RIPOR3: variants seen among roughly 807,000 people sequenced by gnomAD.
RIPOR3 encodes the protein family with sequence similarity 65 member C.
RIPOR3 carries 95 observed loss-of-function variants against 114.3 expected under a neutral mutation model. The ratio of observed to expected loss-of-function variants is 0.83; its 90% CI spans 0.70 to 0.99. The LOEUF is 0.99. RIPOR3 is among the 50% of genes least tolerant of loss of function. RIPOR3 has a pLI of 0.00. For missense variants in RIPOR3, 1,252 were observed against 1,266.9 expected (o/e 0.99, Z 0.18); for synonymous variants, 575 against 543.8 (o/e 1.06, Z -0.80).
chr20:50,600,287 T>G (rs1219521370), intron 13 of RIPOR3, among the ~76,000 whole-genome samples: 1 of 152,210 alleles, frequency 6.6e-6, no homozygotes, highest in Non-Finnish European at 1.5e-5. Flanking sequence ...CTGTAATCAA[T>G]TTGCATTGTT....
intron 1 of RIPOR3, among the ~76,000 whole-genome samples, chr20:50,631,930 G>A (rs1183556826): frequency 6.6e-6 from 1 of 152,022 alleles, no homozygotes; most frequent in Admixed American, 6.6e-5. Flanking sequence ...AGGATTCCAG[G>A]GACCCCATTG....
rs368911042 is a variant in RIPOR3, at chr20:50,592,535, C to T, written c.2386G>A (p.Glu796Lys). 5.1e-6 allele frequency: 8 copies of T among 1,559,892 alleles called. No homozygotes were observed. Among genetic ancestry groups the T allele is most frequent in the South Asian group, 3.5e-5 (3 of 84,804 alleles). Reference protein sequence around the residue: ...TQLTKEVTLIEELHCAGQAKV... With the variant: ...TQLTKEVTLIKELHCAGQAKV... ...GCCTGTCCCGCACAGTGAAGCTCCT[C>T]GATGAGTGTCACTAGAAGACAGGAA... is the stretch of plus-strand genomic sequence containing the variant. Residue 796 changes from glutamate to lysine, a missense_variant, in exon 19 of 22, where the codon GAG (glutamate) becomes AAG (lysine). By Grantham distance (56) the Glu-to-Lys change is moderately conservative (BLOSUM62 1). Transcript: ENST00000327979.
Position 50,604,793 on chromosome 20 carries a change from G to A in RIPOR3, c.957-19C>T, listed in dbSNP as rs776234989. On this transcript the variant is annotated intron_variant, in intron 11 of 21. Coordinates refer to ENST00000327979, the MANE Select transcript of RIPOR3 (RefSeq NM_001290268.2). ...AAACGGGCTGGAGGAGAGAACAGAA[G>A]GTCAGGATGCCATCGGCACCCAGAG... 6.2e-7 allele frequency: 1 copy of A among 1,603,466 alleles called. No individual in the cohort carries two copies. Among genetic ancestry groups the A allele is most frequent in the South Asian group, 1.1e-5 (1 of 89,694 alleles).
Position 50,592,500 on chromosome 20 carries a change from G to A in RIPOR3, c.2421C>T (p.Val807=). The change falls in exon 19 of 22, where the codon GTC becomes GTT. Residue 807 remains valine, a synonymous_variant. Transcript: ENST00000327979. ...ELHCAGQAKV[V]RKLQGKRLGQ... Reference sequence around the variant, plus strand: ...CCAGCCGCTTCCCCTGCAGCTTCCGGACCACCTTGGCCTGTCCCGCACAGT... The same window carrying A: ...CCAGCCGCTTCCCCTGCAGCTTCCGAACCACCTTGGCCTGTCCCGCACAGT... The A allele has an allele frequency of 6.2e-7, 1 of 1,610,480 alleles. No individual in the cohort carries two copies. Among genetic ancestry groups the A allele is most frequent in the East Asian group, 2.2e-5 (1 of 44,750 alleles).
At chr20:50,661,196 C>A (rs893764479) in intron 1 of RIPOR3, among the ~76,000 whole-genome samples, 3 of 151,940 alleles carry the variant, frequency 2.0e-5, no homozygotes, top group African/African-American at 7.3e-5. Flanking sequence ...CAAAATCACG[C>A]CACTGCACTC....
chr20:50,596,601 G>A (rs2083299308), intron 14 of RIPOR3, among the ~76,000 whole-genome samples: 1 of 152,172 alleles, frequency 6.6e-6, no homozygotes, highest in Admixed American at 6.5e-5. Flanking sequence ...GGAGGCAGGA[G>A]CCCCACACTC....
At chr20:50,671,955 T>G (rs1245568431) in intron 1 of RIPOR3, among the ~76,000 whole-genome samples, 1 of 144,260 alleles carries the variant, frequency 6.9e-6, no homozygotes, top group Non-Finnish European at 1.5e-5. Flanking sequence ...GATGAGTAGA[T>G]GGTTAGGTGG....
At chr20:50,636,030 C>G (rs971780764) in intron 1 of RIPOR3, among the ~76,000 whole-genome samples, 1 of 152,254 alleles carries the variant, frequency 6.6e-6, no homozygotes, top group African/African-American at 2.4e-5. Context: ...TGTGGGCCCC[C>G]TTGGGGCCTG....
chr20:50,589,597 C>T, intron 20 of RIPOR3, 89 bp downstream of exon 20: 1 of 1,367,474 alleles, frequency 7.3e-7, no homozygotes, highest in Non-Finnish European at 1.0e-6. Context: ...CGCCCAGCCC[C>T]AGTGGAATCA....
intron 1 of RIPOR3, among the ~76,000 whole-genome samples, chr20:50,652,494 GAC>G (rs1325618579): frequency 6.7e-6 from 1 of 149,176 alleles, no homozygotes; most frequent in African/African-American, 2.5e-5. Flanking sequence ...GGGAGGCTGA[GAC>G]AATAGAATCG....
chr20:50,592,978 T>G, intron 18 of RIPOR3, 57 bp downstream of exon 18: 1 of 1,589,878 alleles, frequency 6.3e-7, no homozygotes, highest in Non-Finnish European at 8.6e-7. Context: ...AGAAACTGCA[T>G]GTGACAGGGC....
chr20:50,598,139 T>C (rs2083364711), intron 13 of RIPOR3, among the ~76,000 whole-genome samples: 1 of 152,220 alleles, frequency 6.6e-6, no homozygotes, highest in Admixed American at 6.5e-5. Context: ...ACTGCCCAGC[T>C]TTGAAATACC....
Position 50,691,155 on chromosome 20 carries a change from G to C in RIPOR3, c.-27C>G. ...GAGCAGGTCTGGACACTCGAGTGCA[G>C]TCCCGCCGCCCTCCTTGCAGCTGCC... On this transcript the variant is annotated 5_prime_UTR_variant, in exon 1 of 22. Coordinates refer to ENST00000327979, the MANE Select transcript of RIPOR3 (RefSeq NM_001290268.2). 1 of 1,289,442 alleles carries C rather than the reference G, an allele frequency of 7.8e-7. No individual in the cohort carries two copies. The highest frequency in any genetic ancestry group is 1.0e-6 in the Non-Finnish European group (1 of 988,850). 79.9% of individuals were successfully genotyped at this position (1,289,442 alleles called of 1,614,324 possible).
intron 1 of RIPOR3, among the ~76,000 whole-genome samples, chr20:50,644,023 G>A (rs1377122900): frequency 6.6e-6 from 1 of 151,924 alleles, no homozygotes; most frequent in Non-Finnish European, 1.5e-5. Flanking sequence ...GGGAGGCTAA[G>A]GCAGGAGGAT....
At chr20:50,688,876 G>T (rs909591364) in intron 1 of RIPOR3, among the ~76,000 whole-genome samples, 9 of 152,186 alleles carry the variant, frequency 5.9e-5, no homozygotes, top group Non-Finnish European at 1.5e-5. Flanking sequence ...AGGATGAACT[G>T]GGGGACCCTG....
At chr20:50,621,144 T>C in intron 2 of RIPOR3, 2 of 347,316 alleles carry the variant, frequency 5.8e-6, no homozygotes, top group East Asian at 7.9e-5. Context: ...AGAACAGTAA[T>C]AAAAATCTGG....
intron 1 of RIPOR3, chr20:50,653,210 C>G (rs1345051276): frequency 6.6e-6 from 1 of 152,202 alleles, no homozygotes; most frequent in Non-Finnish European, 1.5e-5. Flanking sequence ...CCAGAACCAG[C>G]AGGCCACAGA....
chr20:50,691,196 C>T lies in RIPOR3; in HGVS notation c.-68G>A. 1 of 1,289,258 alleles carries T rather than the reference C, an allele frequency of 7.8e-7. No homozygotes were observed. The highest frequency in any genetic ancestry group is 2.1e-4 in the Middle Eastern group (1 of 4,696). 79.9% of individuals were successfully genotyped at this position (1,289,258 alleles called of 1,614,324 possible). A position where few individuals can be genotyped will look rare whatever the true frequency, so the allele number is the denominator to read the frequency against. ...TGCAGCTGCCTCACTTTCCCTATTGCCGCCAGCAAGCGTCTGCTCCCATCT... is the reference window on the plus strand; with the variant it reads ...TGCAGCTGCCTCACTTTCCCTATTGTCGCCAGCAAGCGTCTGCTCCCATCT... On this transcript the variant is annotated 5_prime_UTR_variant, in exon 1 of 22. Coordinates refer to ENST00000327979, the MANE Select transcript of RIPOR3 (RefSeq NM_001290268.2).
chr20:50,680,592 C>T (rs967323136), intron 1 of RIPOR3, among the ~76,000 whole-genome samples: 7 of 152,168 alleles, frequency 4.6e-5, no homozygotes, highest in African/African-American at 1.4e-4. Context: ...GCCGCCTGTG[C>T]GAGGCTGGTA....
Sources: allele counts gnomAD v4.1 joint callset (sites outside exome capture counted in the v4.1 genomes callset), GRCh38; gene constraint gnomAD v4.1.1; transcripts MANE v1.5; gene names NCBI Gene and HGNC (gene_info 2026-07-23, HGNC 2026-07-21).